Variants in ZBTB20 observed in about 807,000 individuals in gnomAD.
ZBTB20 encodes the protein zinc finger and BTB domain-containing protein 20.
In ZBTB20, 9 loss-of-function variants were observed where a neutral mutation model predicts 56.9. That is an observed-to-expected ratio of 0.16 (90% CI 0.10 to 0.28). The LOEUF (loss-of-function observed/expected upper bound fraction) is 0.28, where lower values mean the gene tolerates loss of function less well. ZBTB20 is among the 10% of genes least tolerant of loss of function. ZBTB20 has a pLI of 1.00. For synonymous variants in ZBTB20, 417 were observed against 420.7 expected, an observed-to-expected ratio of 0.99 and a Z score of 0.11; for missense variants, 655 against 1,003.0, an observed-to-expected ratio of 0.65 and a Z score of 4.69.
At chr3:114,647,208 T>C (rs1193756130) in intron 6 of ZBTB20, among the ~76,000 whole-genome samples, 3 of 152,212 alleles carry the variant, frequency 2.0e-5, no homozygotes, top group African/African-American at 7.2e-5. Flanking sequence ...TCCACCCGCC[T>C]TGGCCTCCCA....
intron 2 of ZBTB20, among the ~76,000 whole-genome samples, chr3:115,029,537 A>G (rs917622323): frequency 6.6e-6 from 1 of 150,952 alleles, no homozygotes; most frequent in African/African-American, 2.4e-5. Context: ...AGAACTGAAG[A>G]GAAAAAATAG....
chr3:114,369,743 G>C (rs1053601469), intron 10 of ZBTB20, among the ~76,000 whole-genome samples: 2 of 152,100 alleles, frequency 1.3e-5, no homozygotes, highest in Non-Finnish European at 2.9e-5. Context: ...ACAACACATA[G>C]GTTTGTTATT....
chr3:114,935,719 T>C (rs1210356136), intron 3 of ZBTB20, among the ~76,000 whole-genome samples: 1 of 152,218 alleles, frequency 6.6e-6, no homozygotes, highest in Non-Finnish European at 1.5e-5. Context: ...CCATCTTCAA[T>C]CTGGCATATA....
intron 5 of ZBTB20, among the ~76,000 whole-genome samples, chr3:114,768,289 T>C (rs943791772): frequency 6.6e-6 from 1 of 152,000 alleles, no homozygotes; most frequent in East Asian, 1.9e-4. Flanking sequence ...CCAATAACTA[T>C]TTAATTAATA....
At chr3:114,961,181 A>G (rs2077437189) in intron 3 of ZBTB20, among the ~76,000 whole-genome samples, 2 of 150,488 alleles carry the variant, frequency 1.3e-5, no homozygotes, top group Non-Finnish European at 3.0e-5. Context: ...TTAAGAGGAG[A>G]TTCAGTATTA....
At chr3:115,034,752 C>T (rs2080844801) in intron 2 of ZBTB20, among the ~76,000 whole-genome samples, 1 of 151,824 alleles carries the variant, frequency 6.6e-6, no homozygotes, top group African/African-American at 2.4e-5. Flanking sequence ...ATCAGAGAAC[C>T]CCCAAACAGC....
At chr3:114,911,074 G>T (rs1265354056) in intron 3 of ZBTB20, among the ~76,000 whole-genome samples, 2 of 151,664 alleles carry the variant, frequency 1.3e-5, no homozygotes, top group Admixed American at 1.3e-4. Flanking sequence ...AGAACAGGAG[G>T]TCCCTCAGAC....
intron 6 of ZBTB20, among the ~76,000 whole-genome samples, chr3:114,503,738 G>A (rs1481873353): frequency 6.6e-6 from 1 of 151,854 alleles, no homozygotes; most frequent in African/African-American, 2.4e-5. Context: ...CAGAGAGAGG[G>A]GGATGACGAG....
At chr3:114,575,952 A>T (rs2718426) in intron 6 of ZBTB20, among the ~76,000 whole-genome samples, 21,037 of 152,176 alleles carry the variant, frequency 0.14, 1,771 homozygotes, top group Admixed American at 0.25. Flanking sequence ...TTAAATCATA[A>T]GGTGATTCAA....
rs552914446 is a variant in ZBTB20 at position 115,013,717 on chromosome 3, C to T, written c.-506-39301G>A. Among the ~76,000 whole-genome samples, 7 of 151,650 alleles carry T rather than the reference C, an allele frequency of 4.6e-5. No individual in the cohort carries two copies. In the South Asian group the frequency reaches 1.5e-3, roughly 31 times the overall value. ...CTAATGTTCAAATCAGAAAAAGGCA[C>T]AACAAAGACACATTTCGGATCAAAT... On this transcript the variant is annotated intron_variant, in intron 2 of 11. Coordinates refer to ENST00000675478, the MANE Select transcript of ZBTB20 (RefSeq NM_001348800.3).
intron 7 of ZBTB20, among the ~76,000 whole-genome samples, chr3:114,410,613 T>A (rs1284297652): frequency 6.6e-6 from 1 of 152,094 alleles, no homozygotes; most frequent in African/African-American, 2.4e-5. Flanking sequence ...TGTGTTCACA[T>A]CAAAAAGTTT....
intron 4 of ZBTB20, among the ~76,000 whole-genome samples, chr3:114,835,196 T>TC (rs2074056626): frequency 6.6e-6 from 1 of 152,156 alleles, no homozygotes; most frequent in Non-Finnish European, 1.5e-5. Flanking sequence ...TATCGCTTTA[T>TC]CCCCACAGAG....
At chr3:114,425,447 C>T (rs575476087) in intron 7 of ZBTB20, among the ~76,000 whole-genome samples, 33 of 152,314 alleles carry the variant, frequency 2.2e-4, no homozygotes, top group East Asian at 1.9e-4. Context: ...CTGACTGAGA[C>T]GATCCTGCAG....
At chr3:115,138,772 T>C (rs1039520904) in intron 1 of ZBTB20, among the ~76,000 whole-genome samples, 3 of 152,128 alleles carry the variant, frequency 2.0e-5, no homozygotes, top group African/African-American at 7.2e-5. Context: ...AAGATCTCAG[T>C]AAATGTTGGC....
chr3:114,903,941 A>G (rs2075225291), intron 3 of ZBTB20, among the ~76,000 whole-genome samples: 1 of 151,988 alleles, frequency 6.6e-6, no homozygotes, highest in African/African-American at 2.4e-5. Context: ...AAATGGATGC[A>G]TACTGATGTT....
intron 5 of ZBTB20, among the ~76,000 whole-genome samples, chr3:114,707,749 T>C (rs894285991): frequency 6.6e-6 from 1 of 152,194 alleles, no homozygotes; most frequent in Non-Finnish European, 1.5e-5. Flanking sequence ...TTGAGTTCTC[T>C]ATATTATTCT....
chr3:114,473,231 C>T (rs1201884360), intron 7 of ZBTB20, among the ~76,000 whole-genome samples: 1 of 152,214 alleles, frequency 6.6e-6, no homozygotes, highest in African/African-American at 2.4e-5. Flanking sequence ...TCGGCACACA[C>T]TACATATCTT....
In ZBTB20 at chr3:114,516,003, A is replaced by T. The variant is rs534040203; in HGVS notation, c.-294-15612T>A. Reference sequence around the variant, plus strand: ...TCTCTAGCTGTGTTTCTAATTAAACAATTTTTTTTTTTTTTTTTGCCAAAG... The same window carrying T: ...TCTCTAGCTGTGTTTCTAATTAAACTATTTTTTTTTTTTTTTTTGCCAAAG... On this transcript the variant is annotated intron_variant, in intron 6 of 11. Coordinates refer to ENST00000675478, the MANE Select transcript of ZBTB20 (RefSeq NM_001348800.3). 2.4e-3 allele frequency among the ~76,000 whole-genome samples: 343 copies of T among 145,598 alleles called. 4 individuals are homozygous for T. The highest frequency in any genetic ancestry group is 8.5e-3 in the African/African-American group (330 of 38,630).
At chr3:114,660,063 C>A (rs1456722280) in intron 6 of ZBTB20, among the ~76,000 whole-genome samples, 1 of 151,996 alleles carries the variant, frequency 6.6e-6, no homozygotes, top group Non-Finnish European at 1.5e-5. Context: ...TGCAGGAAAA[C>A]CTGCCTTGTA....
Sources: gnomAD v4.1 joint callset for allele counts (sites outside exome capture counted in the v4.1 genomes callset) on GRCh38, gnomAD v4.1.1 for gene constraint, MANE v1.5 for transcripts, NCBI Gene and HGNC (gene_info 2026-07-23, HGNC 2026-07-21) for gene names.